The following STIM1 variants were observed in gnomAD, a reference collection of about 807,000 sequenced individuals.
STIM1 encodes stromal interaction molecule 1.
STIM1 carries 25 observed loss-of-function variants against 74.7 expected under a neutral mutation model. The observed-to-expected ratio is 0.33, with a 90% CI of 0.24 to 0.47. The LOEUF (loss-of-function observed/expected upper bound fraction) is 0.47, where lower values mean the gene tolerates loss of function less well. Among genes scored for constraint, STIM1 ranks in the 20% least tolerant of loss-of-function variants. The pLI is 1.00. For synonymous variants in STIM1, 328 were observed against 348.8 expected (o/e 0.94, Z 0.66); for missense variants, 728 against 920.8 (o/e 0.79, Z 2.71).
At chr11:3,953,898 C>G (rs1313934092) in intron 1 of STIM1, among the ~76,000 whole-genome samples, 3 of 151,288 alleles carry the variant, frequency 2.0e-5, no homozygotes, top group African/African-American at 7.3e-5. Context: ...TCCTCTCATC[C>G]CAGCCTCCCT....
rs866239310 is a variant in STIM1, at chr11:4,093,198, G to C, written c.*1400G>C. On this transcript the variant is annotated 3_prime_UTR_variant, in exon 13 of 13. Transcript: ENST00000526596. ...TTGAAGTCCAATAAAGCATGTAGGA[G>C]ATTTTAACCACTGCTGGCTTTGACT... 1 of 152,762 alleles carries C rather than the reference G, an allele frequency of 6.5e-6. No homozygotes were observed. The highest frequency in any genetic ancestry group is 3.4e-3 in the Middle Eastern group (1 of 294). 9.5% of individuals were successfully genotyped at this position (152,762 alleles called of 1,614,324 possible). A position where few individuals can be genotyped will look rare whatever the true frequency, so the allele number is the denominator to read the frequency against.
chr11:3,863,450 G>GT (rs1215881593), intron 1 of STIM1, among the ~76,000 whole-genome samples: 2 of 151,796 alleles, frequency 1.3e-5, no homozygotes, highest in East Asian at 3.9e-4. Context: ...AAGAGACGAG[G>GT]TTTTTCCGTG....
At position 3,895,662 on chromosome 11, in the gene STIM1, CT is replaced by C. The variant is rs61131513; in HGVS notation, c.139+39256del. Among the ~76,000 whole-genome samples, 48 of 31,230 alleles carry C rather than the reference CT, an allele frequency of 1.5e-3. 1 individual carries two copies. The highest frequency in any genetic ancestry group is 0.017 in the Middle Eastern group (2 of 116). The allele number at this position is 31,230 out of a possible 152,430, so 20.5% of individuals were successfully genotyped here. ...TCTTTCTTTCTTTCTTTCTTTCTTTCTTTCTTTCTTTCCTTCCTTCCTTCTT... is the reference window on the plus strand; with the variant it reads ...TCTTTCTTTCTTTCTTTCTTTCTTTCTTCTTTCTTTCCTTCCTTCCTTCTT... On this transcript the variant is annotated intron_variant, in intron 1 of 12. Coordinates refer to ENST00000526596, the MANE Select transcript of STIM1 (RefSeq NM_001382567.1).
intron 1 of STIM1, among the ~76,000 whole-genome samples, chr11:3,936,797 G>A (rs997532322): frequency 1.3e-5 from 2 of 152,150 alleles, no homozygotes; most frequent in African/African-American, 4.8e-5. Context: ...GCCCTGAAGT[G>A]AAAATGTAAT....
chr11:3,916,554 T>G (rs919924875), intron 1 of STIM1, among the ~76,000 whole-genome samples: 3 of 151,238 alleles, frequency 2.0e-5, no homozygotes, highest in Admixed American at 6.6e-5. Flanking sequence ...TGGGTTCAAG[T>G]GATTCTCCTG....
At chr11:3,873,435 A>T (rs1316066403) in intron 1 of STIM1, among the ~76,000 whole-genome samples, 5 of 151,280 alleles carry the variant, frequency 3.3e-5, no homozygotes, top group African/African-American at 1.2e-4. Flanking sequence ...AAAAAAAAAA[A>T]AATTAAAAAC....
In STIM1 at chr11:3,874,303, C is replaced by T. The variant is rs188412750; in HGVS notation, c.139+17894C>T. Among the ~76,000 whole-genome samples, 379 of 152,220 alleles carry T rather than the reference C, an allele frequency of 2.5e-3. 4 individuals carry two copies. The highest frequency in any genetic ancestry group is 8.8e-3 in the African/African-American group (364 of 41,520). ...AGTCATTTCTATTGCCCTGGAGTATCCTTCTCTGGTATGTGTTCCTCTTCT... is the reference window on the plus strand; with the variant it reads ...AGTCATTTCTATTGCCCTGGAGTATTCTTCTCTGGTATGTGTTCCTCTTCT... On this transcript the variant is annotated intron_variant, in intron 1 of 12. Coordinates refer to ENST00000526596, the MANE Select transcript of STIM1 (RefSeq NM_001382567.1).
At chr11:3,989,709 C>T (rs1008492029) in intron 2 of STIM1, among the ~76,000 whole-genome samples, 1 of 152,180 alleles carries the variant, frequency 6.6e-6, no homozygotes, top group African/African-American at 2.4e-5. Flanking sequence ...GTTTTATTGG[C>T]ATACAGCCAC....
At chr11:3,866,972 T>C (rs2090883732) in intron 1 of STIM1, 1 of 152,202 alleles carries the variant, frequency 6.6e-6, no homozygotes, top group Non-Finnish European at 1.5e-5. Flanking sequence ...CCTCAGTACC[T>C]ATGAGAGTGC....
At chr11:4,012,562 G>A (rs2093848480) in intron 2 of STIM1, among the ~76,000 whole-genome samples, 2 of 152,094 alleles carry the variant, frequency 1.3e-5, no homozygotes, top group Admixed American at 6.5e-5. Context: ...TGTGATTTTT[G>A]CACATTGCTT....
rs375171486 is a variant in STIM1, at chr11:4,057,091, G to C, written c.497+1454G>C. On this transcript the variant is annotated intron_variant, in intron 4 of 12. Coordinates refer to ENST00000526596, the MANE Select transcript of STIM1 (RefSeq NM_001382567.1). ...GAGGACAAAGAGATGTATTAGACCT[G>C]ACCCCTGACTTGAGGAACTCCATGT... is the stretch of plus-strand genomic sequence containing the variant. Among the ~76,000 whole-genome samples the C allele has an allele frequency of 1.3e-3, 201 of 152,252 alleles. 2 individuals are homozygous for C. Among genetic ancestry groups the C allele is most frequent in the African/African-American group, 4.6e-3 (191 of 41,536 alleles).
intron 2 of STIM1, among the ~76,000 whole-genome samples, chr11:3,980,312 T>C (rs1197735964): frequency 6.6e-6 from 1 of 152,142 alleles, no homozygotes; most frequent in Non-Finnish European, 1.5e-5. Context: ...TAAACTCTGC[T>C]CTGTCATTCA....
chr11:4,052,368 T>A (rs1331616396), intron 3 of STIM1, among the ~76,000 whole-genome samples: 4 of 152,178 alleles, frequency 2.6e-5, no homozygotes, highest in African/African-American at 7.2e-5. Context: ...CAAAACAGCA[T>A]GGTACCGGTA....
chr11:3,950,753 G>A (rs2093136677), intron 1 of STIM1, among the ~76,000 whole-genome samples: 2 of 152,134 alleles, frequency 1.3e-5, no homozygotes, highest in Admixed American at 6.5e-5. Context: ...AGCCTCCTGA[G>A]CAGCTGGGAC....
At chr11:4,032,518 A>G (rs2094059665) in intron 3 of STIM1, among the ~76,000 whole-genome samples, 1 of 152,110 alleles carries the variant, frequency 6.6e-6, no homozygotes, top group South Asian at 2.1e-4. Context: ...TGGCTGTTTC[A>G]GGTCCTTGAA....
At chr11:3,929,230 T>C (rs931582572) in intron 1 of STIM1, among the ~76,000 whole-genome samples, 2 of 152,222 alleles carry the variant, frequency 1.3e-5, no homozygotes, top group African/African-American at 2.4e-5. Flanking sequence ...GAGATACAGG[T>C]CCTTTTTTAC....
rs1276960745 is a variant in STIM1, at chr11:3,895,695, T to C, written c.139+39286T>C. ...CTTTCCTTCCTTCCTTCTTTCTTTC[T>C]TTCTTTCTTTCTTTCTTTCTTTCTT... On this transcript the variant is annotated intron_variant, in intron 1 of 12. Coordinates refer to ENST00000526596, the MANE Select transcript of STIM1 (RefSeq NM_001382567.1). Among the ~76,000 whole-genome samples, 222 of 30,780 alleles carry C rather than the reference T, an allele frequency of 7.2e-3. 10 individuals are homozygous for C. The highest frequency in any genetic ancestry group is 8.5e-3 in the Non-Finnish European group (148 of 17,494). The allele number at this position is 30,780 out of a possible 152,430, so 20.2% of individuals were successfully genotyped here.
At chr11:3,877,877 C>T (rs1295869629) in intron 1 of STIM1, among the ~76,000 whole-genome samples, 1 of 152,204 alleles carries the variant, frequency 6.6e-6, no homozygotes, top group East Asian at 1.9e-4. Context: ...TCTCCTCTCT[C>T]TGATCAGCAT....
chr11:4,069,333 G>C (rs1165791554), intron 5 of STIM1, among the ~76,000 whole-genome samples: 1 of 152,030 alleles, frequency 6.6e-6, no homozygotes, highest in African/African-American at 2.4e-5. Context: ...GGGCCCTCGT[G>C]GTTCACTGAA....
Sources: gnomAD v4.1 joint callset for allele counts (sites outside exome capture counted in the v4.1 genomes callset) on GRCh38, gnomAD v4.1.1 for gene constraint, MANE v1.5 for transcripts, NCBI Gene and HGNC (gene_info 2026-07-23, HGNC 2026-07-21) for gene names.